Variants in OGDHL observed in about 807,000 individuals in gnomAD.
OGDHL encodes the protein 2-oxoglutarate dehydrogenase-like, mitochondrial.
In OGDHL, 79 loss-of-function variants were observed where a neutral mutation model predicts 109.6. The observed-to-expected ratio is 0.72, with a 90% confidence interval of 0.60 to 0.87. The LOEUF (loss-of-function observed/expected upper bound fraction) is 0.87, where lower values mean the gene tolerates loss of function less well. OGDHL is among the 40% of genes least tolerant of loss of function. OGDHL has a pLI of 0.00. For synonymous variants in OGDHL, 528 were observed against 537.2 expected (o/e 0.98, Z 0.24); for missense variants, 1,275 against 1,362.2 (o/e 0.94, Z 1.01).
intron 9 of OGDHL, 63 bp from the exon 10 acceptor site, chr10:49,746,941 C>G (rs1295566771): frequency 4.3e-6 from 7 of 1,611,522 alleles, no homozygotes; most frequent in Admixed American, 3.3e-5. Flanking sequence ...CAGCCGGCAC[C>G]TGTACTGTGG....
intron 1 of OGDHL, among the ~76,000 whole-genome samples, chr10:49,761,194 AG>A: frequency 6.6e-6 from 1 of 152,112 alleles, no homozygotes; most frequent in African/African-American, 2.4e-5. Context: ...CCCCCTGCCC[AG>A]TCCAGACTCC....
chr10:49,752,575 C>T lies in OGDHL; in HGVS notation c.478+63G>A, dbSNP rs182821240. On this transcript the variant is annotated intron_variant, in intron 4 of 22. Transcript: ENST00000374103. ...CAAGGATCAGGCTGTCCCTAGTGCC[C>T]GTGGGCCCCTTACTGGGCCACCCAC... 276 of 1,373,322 alleles carry T rather than the reference C, an allele frequency of 2.0e-4. 2 individuals are homozygous for T. The East Asian group carries it at 4.8e-3, about 24-fold the overall frequency. The allele number at this position is 1,373,322 out of a possible 1,614,324, so 85.1% of individuals were successfully genotyped here. A position where few individuals can be genotyped will look rare whatever the true frequency, so the allele number is the denominator to read the frequency against.
At chr10:49,759,341 C>T (rs1018484855) in intron 1 of OGDHL, among the ~76,000 whole-genome samples, 8 of 151,996 alleles carry the variant, frequency 5.3e-5, no homozygotes, top group Non-Finnish European at 1.0e-4. Flanking sequence ...CCCAGCCCAG[C>T]GCCACTCAAG....
At chr10:49,739,262 A>G (rs1004921983) in intron 17 of OGDHL, 9 of 163,658 alleles carry the variant, frequency 5.5e-5, no homozygotes, top group Non-Finnish European at 6.6e-5. Context: ...GAGAACAGGC[A>G]GTACTGCACA....
intron 14 of OGDHL, among the ~76,000 whole-genome samples, chr10:49,743,374 C>G (rs1017513250): frequency 6.8e-6 from 1 of 146,608 alleles, no homozygotes; most frequent in Non-Finnish European, 1.5e-5. Context: ...ACGCTGTCAG[C>G]AGCTGCCCCA....
Position 49,756,914 on chromosome 10 carries a change from C to T in OGDHL, c.237G>A (p.Glu79=), listed in dbSNP as rs1842952991. 3.1e-6 allele frequency: 5 copies of T among 1,613,620 alleles called. No homozygotes were observed. Among genetic ancestry groups the T allele is most frequent in the Non-Finnish European group, 4.2e-6 (5 of 1,179,832 alleles). ...SWDSFFREAS[E]EAFSGSAQPR... is the part of the protein sequence containing the mutation. ...GCTGAGCAGAGCCAGAAAAGGCTTC[C>T]TCGCTGGCTTCCCTGAAGAAGCTGT... is the stretch of plus-strand genomic sequence containing the variant. Residue 79 remains glutamate, a synonymous_variant, in exon 3 of 23, where the codon GAG becomes GAA. Transcript: ENST00000374103.
At chr10:49,739,968 AGGGATTCCCT>A in intron 16 of OGDHL, 129 bp from the exon 17 acceptor site, 9 of 933,446 alleles carry the variant, frequency 9.6e-6, no homozygotes, top group Non-Finnish European at 1.4e-5. Flanking sequence ...GGACGAACCC[AGGGATTCCCT>A]GGGATTCAAA....
Position 49,749,771 on chromosome 10 carries a change from C to T in OGDHL, c.942G>A (p.Glu314=), listed in dbSNP as rs867391046. The change falls in exon 8 of 23, where the codon GAG becomes GAA. Residue 314 remains glutamate (E), a synonymous_variant. Coordinates refer to ENST00000374103, the MANE Select transcript of OGDHL (RefSeq NM_018245.3). ...VLANVIRKDL[E]QIFCQFDPKL... ...TGGGGTCAAACTGGCAGAAGATCTG[C>T]TCCAGGTCCTTGCGGATCACGTTGG... 6.2e-7 allele frequency: 1 copy of T among 1,601,330 alleles called. No homozygotes were observed. Among genetic ancestry groups the T allele is most frequent in the Non-Finnish European group, 8.5e-7 (1 of 1,177,116 alleles).
At chr10:49,752,520 G>T in intron 4 of OGDHL, 118 bp downstream of exon 4, 1 of 876,304 alleles carries the variant, frequency 1.1e-6, no homozygotes, top group East Asian at 2.4e-5. Flanking sequence ...AGGAGGCCCT[G>T]TGGGCTGCTC....
chr10:49,745,973 C>T lies in OGDHL; in HGVS notation c.1301G>A (p.Gly434Glu). 3.7e-6 allele frequency: 6 copies of T among 1,613,826 alleles called. No individual in the cohort carries two copies. Among genetic ancestry groups the T allele is most frequent in the Non-Finnish European group, 2.5e-6 (3 of 1,179,764 alleles). ...TVHVVVNNQI[G>E]FTTDPRMARS... ...GGCCATTCGGGGGTCTGTGGTGAAT[C>T]CAATCTGCAGAGGCAGGAGAAACCT... The change falls in exon 11 of 23, where the codon GGA (glycine) becomes GAA (glutamate). Residue 434 changes from glycine to glutamate, a missense_variant. Physicochemically the swap from Gly to Glu is moderately conservative, Grantham distance 98. Transcript: ENST00000374103.
chr10:49,750,827 AG>A lies in OGDHL; in HGVS notation c.896+11del. 1 of 1,604,166 alleles carries A rather than the reference AG, an allele frequency of 6.2e-7. No homozygotes were observed. The highest frequency in any genetic ancestry group is 8.5e-7 in the Non-Finnish European group (1 of 1,174,492). On this transcript the variant is annotated intron_variant, in intron 7 of 22. Coordinates refer to ENST00000374103, the MANE Select transcript of OGDHL (RefSeq NM_018245.3). ...GGAGAATGCGCAAGGCACAGCAGGG[AG>A]GGGGACCCACCTGTGTGGCATCCCC...
intron 1 of OGDHL, among the ~76,000 whole-genome samples, chr10:49,761,793 A>C (rs766421211): frequency 5.9e-5 from 9 of 152,134 alleles, no homozygotes; most frequent in Admixed American, 1.3e-4. Context: ...CTGTAATCGG[A>C]GACCGCGGTT....
rs149034530 is a variant in OGDHL at position 49,742,596 on chromosome 10, G to A, written c.2012+232C>T. On this transcript the variant is annotated intron_variant, in intron 15 of 22. Transcript: ENST00000374103. ...CCCCCCACACACACATGATCCTGAG[G>A]ACCACAGATGGCCACCAGCTTGACC... 5.6e-3 allele frequency among the ~76,000 whole-genome samples: 789 copies of A among 141,624 alleles called. 10 individuals carry two copies. The highest frequency in any genetic ancestry group is 0.019 in the African/African-American group (731 of 37,928). The allele number at this position is 141,624 out of a possible 152,430, so 92.9% of individuals were successfully genotyped here.
intron 1 of OGDHL, among the ~76,000 whole-genome samples, chr10:49,761,514 G>A (rs1274299251): frequency 1.3e-5 from 2 of 152,240 alleles, no homozygotes; most frequent in African/African-American, 4.8e-5. Flanking sequence ...CTGAGAAGCA[G>A]ATGAGCTTTT....
At chr10:49,752,372 C>A (rs1219884151) in intron 4 of OGDHL, 124 bp from the exon 5 acceptor site, 4 of 776,402 alleles carry the variant, frequency 5.2e-6, no homozygotes, top group African/African-American at 1.7e-5. Flanking sequence ...CTGGGTCCAA[C>A]CTGGGGAGCA....
intron 21 of OGDHL, 81 bp downstream of exon 21, chr10:49,736,276 C>T (rs2132933074): frequency 1.9e-6 from 3 of 1,588,940 alleles, no homozygotes; most frequent in Non-Finnish European, 2.6e-6. Context: ...CTTCATCTGG[C>T]CTGCCTGGCA....
At chr10:49,744,461 T>C (rs1360758693) in intron 13 of OGDHL, among the ~76,000 whole-genome samples, 189 bp downstream of exon 13, 1 of 152,134 alleles carries the variant, frequency 6.6e-6, no homozygotes, top group Non-Finnish European at 1.5e-5. Flanking sequence ...TGGCCATCCA[T>C]GCTCAGAGGG....
intron 11 of OGDHL, 42 bp downstream of exon 11, chr10:49,745,756 T>C (rs1842131938): frequency 6.3e-7 from 1 of 1,598,970 alleles, no homozygotes; most frequent in Admixed American, 1.7e-5. Flanking sequence ...ACAGCAGGGA[T>C]GGGCCACCCA....
chr10:49,760,433 G>T (rs965325924), intron 1 of OGDHL, among the ~76,000 whole-genome samples: 1 of 152,228 alleles, frequency 6.6e-6, no homozygotes, highest in Non-Finnish European at 1.5e-5. Context: ...TATCCTAGAG[G>T]CCTGGGCAAA....
Sources: gnomAD v4.1 joint callset for allele counts (sites outside exome capture counted in the v4.1 genomes callset) on GRCh38, gnomAD v4.1.1 for gene constraint, MANE v1.5 for transcripts, NCBI Gene and HGNC (gene_info 2026-07-23, HGNC 2026-07-21) for gene names.